The following SLIT2 variants were observed in gnomAD, a reference collection of about 807,000 sequenced individuals.
SLIT2 encodes slit guidance ligand 2.
A neutral mutation model predicts 185.7 loss-of-function variants in SLIT2; 41 were observed. The ratio of observed to expected loss-of-function variants is 0.22; its 90% CI spans 0.17 to 0.29. SLIT2 has a LOEUF of 0.29. Among genes scored for constraint, SLIT2 ranks in the 10% least tolerant of loss-of-function variants. The pLI is 1.00. For missense variants in SLIT2, 1,571 were observed against 1,909.0 expected, an observed-to-expected ratio of 0.82 and a Z score of 3.30; for synonymous variants, 693 against 680.2, an observed-to-expected ratio of 1.02 and a Z score of -0.29.
At chr4:20,390,366 G>A (rs1725315659) in intron 4 of SLIT2, among the ~76,000 whole-genome samples, 1 of 152,074 alleles carries the variant, frequency 6.6e-6, no homozygotes. Context: ...CATGCGTGAG[G>A]CAAGTACTAT....
intron 15 of SLIT2, among the ~76,000 whole-genome samples, chr4:20,525,924 A>G (rs1011127524): frequency 6.6e-5 from 10 of 152,288 alleles, no homozygotes; most frequent in East Asian, 5.8e-4. Flanking sequence ...TCGTAACACT[A>G]TCAAGACTGA....
intron 3 of SLIT2, among the ~76,000 whole-genome samples, chr4:20,262,254 G>A (rs985405282): frequency 2.0e-4 from 30 of 151,702 alleles, no homozygotes; most frequent in African/African-American, 7.0e-4. Flanking sequence ...AGTTCTCCCT[G>A]CATACACATA....
intron 4 of SLIT2, among the ~76,000 whole-genome samples, chr4:20,271,933 A>G (rs1194886644): frequency 6.6e-6 from 1 of 152,088 alleles, no homozygotes; most frequent in East Asian, 1.9e-4. Flanking sequence ...GGTATACTGT[A>G]TATGAATTAT....
intron 12 of SLIT2, among the ~76,000 whole-genome samples, chr4:20,521,912 CA>C (rs993076206): frequency 6.6e-6 from 1 of 152,020 alleles, no homozygotes; most frequent in African/African-American, 2.4e-5. Context: ...ATACCCAAAC[CA>C]CATTACACAT....
chr4:20,560,824 TAAAC>T (rs1724633345), intron 26 of SLIT2, among the ~76,000 whole-genome samples: 1 of 151,890 alleles, frequency 6.6e-6, no homozygotes, highest in Admixed American at 6.6e-5. Context: ...ATTCATTAAT[TAAAC>T]AAATATTATT....
Position 20,384,464 on chromosome 4 carries a change from C to T in SLIT2, c.396-83288C>T, listed in dbSNP as rs1724779038. The stretch of plus-strand genomic sequence containing the variant: ...TTTTAGTGGTTACATGACTTGTAAA[C>T]TTAACATTCATTAATTTTACTGCTC... On this transcript the variant is annotated intron_variant, in intron 4 of 36. Coordinates refer to ENST00000504154, the MANE Select transcript of SLIT2 (RefSeq NM_004787.4). Among the ~76,000 whole-genome samples the T allele has an allele frequency of 2.0e-5, 3 of 152,092 alleles. No individual in the cohort carries two copies. The South Asian group carries it at 6.2e-4, about 32-fold the overall frequency.
At chr4:20,407,703 G>A (rs901684590) in intron 4 of SLIT2, among the ~76,000 whole-genome samples, 1 of 152,150 alleles carries the variant, frequency 6.6e-6, no homozygotes, top group Non-Finnish European at 1.5e-5. Context: ...TTTTGTTTGA[G>A]TTAAGCTAAA....
chr4:20,619,208 G>A lies in SLIT2; in HGVS notation c.*199G>A, dbSNP rs1403997429. 9 of 538,394 alleles carry A rather than the reference G, an allele frequency of 1.7e-5. No individual in the cohort carries two copies. Among genetic ancestry groups the A allele is most frequent in the African/African-American group, 1.1e-4 (6 of 52,240 alleles). The allele number at this position is 538,394 out of a possible 1,614,324, so 33.4% of individuals were successfully genotyped here. A position where few individuals can be genotyped will look rare whatever the true frequency, so the allele number is the denominator to read the frequency against. On this transcript the variant is annotated 3_prime_UTR_variant, in exon 37 of 37. Coordinates refer to ENST00000504154, the MANE Select transcript of SLIT2 (RefSeq NM_004787.4). ...ATGCTTGAACTAAAGCTTCCCCTAT[G>A]CTGGAGAAGTATGAAGAAAGATATA...
chr4:20,413,611 T>G, intron 4 of SLIT2, among the ~76,000 whole-genome samples: 1 of 152,068 alleles, frequency 6.6e-6, no homozygotes, highest in East Asian at 1.9e-4. Context: ...GCTTTTTATT[T>G]TGGAGCTCTG....
At chr4:20,451,717 A>G (rs1445813592) in intron 4 of SLIT2, among the ~76,000 whole-genome samples, 1 of 152,196 alleles carries the variant, frequency 6.6e-6, no homozygotes, top group African/African-American at 2.4e-5. Context: ...AATTGATTTA[A>G]GTGCCTTTTT....
intron 4 of SLIT2, among the ~76,000 whole-genome samples, chr4:20,301,356 G>T (rs1203083530): frequency 6.6e-6 from 1 of 152,122 alleles, no homozygotes; most frequent in African/African-American, 2.4e-5. Flanking sequence ...CAATGCTGCA[G>T]TGAATCATGC....
intron 33 of SLIT2, among the ~76,000 whole-genome samples, chr4:20,603,202 T>C (rs1728539485): frequency 6.6e-6 from 1 of 152,138 alleles, no homozygotes; most frequent in Non-Finnish European, 1.5e-5. Context: ...AATTGAGAAC[T>C]AAGCGAAAGG....
chr4:20,425,498 T>A (rs560810653), intron 4 of SLIT2, among the ~76,000 whole-genome samples: 1 of 152,242 alleles, frequency 6.6e-6, no homozygotes, highest in Admixed American at 6.5e-5. Flanking sequence ...TCAGAAAAAA[T>A]AAGTTTATAC....
chr4:20,413,465 T>C (rs562204251), intron 4 of SLIT2, among the ~76,000 whole-genome samples: 1 of 152,200 alleles, frequency 6.6e-6, no homozygotes, highest in Non-Finnish European at 1.5e-5. Flanking sequence ...TTTAGTTGAT[T>C]TATAGTGTTG....
chr4:20,393,396 T>C (rs1050482759), intron 4 of SLIT2: 5 of 152,078 alleles, frequency 3.3e-5, no homozygotes. Flanking sequence ...GGAAGCATTC[T>C]CCGAATATGA....
intron 5 of SLIT2, among the ~76,000 whole-genome samples, chr4:20,472,895 T>G (rs183985601): frequency 4.3e-4 from 65 of 151,576 alleles, no homozygotes; most frequent in African/African-American, 1.5e-3. Flanking sequence ...GTTTTTATGA[T>G]AAAACATTCT....
At chr4:20,433,266 G>A (rs1017108443) in intron 4 of SLIT2, among the ~76,000 whole-genome samples, 8 of 152,214 alleles carry the variant, frequency 5.3e-5, no homozygotes, top group Non-Finnish European at 1.0e-4. Context: ...ATGAACTACC[G>A]AGTGACACAA....
chr4:20,477,495 A>G (rs475942), intron 5 of SLIT2, among the ~76,000 whole-genome samples: 123,196 of 152,134 alleles, frequency 0.81, 50,153 homozygotes, highest in East Asian at 0.93. Flanking sequence ...CACCACGCCT[A>G]GCCGAGGTCA....
At chr4:20,486,827 A>AAGCCC (rs1717288634) in intron 7 of SLIT2, among the ~76,000 whole-genome samples, 1 of 150,466 alleles carries the variant, frequency 6.6e-6, no homozygotes, top group African/African-American at 2.5e-5. Context: ...GTAATCCTTA[A>AAGCCC]AGCCCAGAGT....
Sources: allele counts gnomAD v4.1 joint callset (sites outside exome capture counted in the v4.1 genomes callset), GRCh38; gene constraint gnomAD v4.1.1; transcripts MANE v1.5; gene names NCBI Gene and HGNC (gene_info 2026-07-23, HGNC 2026-07-21).